Variants in LRRC36 observed in about 807,000 individuals in gnomAD.
LRRC36 encodes leucine-rich repeat-containing protein 36.
In LRRC36, 62 loss-of-function variants were observed where a neutral mutation model predicts 81.1. The observed-to-expected ratio is 0.76, with a 90% CI of 0.62 to 0.94. LRRC36 has a LOEUF of 0.94. LRRC36 is among the 40% of genes least tolerant of loss of function. The pLI is 0.00. For synonymous variants in LRRC36, 334 were observed against 348.6 expected (o/e 0.96, Z 0.47); for missense variants, 761 against 881.7 (o/e 0.86, Z 1.73).
intron 5 of LRRC36, among the ~76,000 whole-genome samples, chr16:67,362,764 G>GTTT (rs1050257700): frequency 2.9e-5 from 4 of 139,502 alleles, no homozygotes; most frequent in African/African-American, 1.3e-4. Context: ...TCTTTTTTTT[G>GTTT]TTTTTGTTGT....
Position 67,363,578 on chromosome 16 carries a change from C to T in LRRC36, c.578-12C>T, listed in dbSNP as rs1391586799. ...GTGAGTGCTTTATTGTTTGCTTTTT[C>T]TTTTAACACAGACTCAAACAAAGGA... On this transcript the variant is annotated splice_polypyrimidine_tract_variant and intron_variant, in intron 5 of 13. Transcript: ENST00000329956. The T allele has an allele frequency of 6.2e-7, 1 of 1,612,944 alleles. No homozygotes were observed. The highest frequency in any genetic ancestry group is 1.1e-5 in the South Asian group (1 of 91,016).
intron 1 of LRRC36, among the ~76,000 whole-genome samples, chr16:67,340,783 T>C (rs1015940619): frequency 8.1e-5 from 12 of 148,210 alleles, no homozygotes; most frequent in Non-Finnish European, 1.3e-4. Context: ...ATATACTCTA[T>C]AGAATATATA....
intron 12 of LRRC36, among the ~76,000 whole-genome samples, chr16:67,381,906 C>A (rs1263989829): frequency 1.3e-5 from 2 of 152,138 alleles, no homozygotes; most frequent in Non-Finnish European, 2.9e-5. Flanking sequence ...CGTGAGCCAC[C>A]GTGCCTGGCC....
At chr16:67,337,639 C>T (rs531222339) in intron 1 of LRRC36, among the ~76,000 whole-genome samples, 78 of 151,986 alleles carry the variant, frequency 5.1e-4, no homozygotes, top group African/African-American at 1.8e-3. Context: ...GGATTACAGG[C>T]GTGAGCCACC....
At chr16:67,337,596 G>A (rs1490599407) in intron 1 of LRRC36, among the ~76,000 whole-genome samples, 1 of 151,548 alleles carries the variant, frequency 6.6e-6, no homozygotes, top group South Asian at 2.1e-4. Flanking sequence ...CTGGCCTCAG[G>A]TGATCTGCCC....
At chr16:67,364,387 T>C (rs1162283411) in intron 6 of LRRC36, among the ~76,000 whole-genome samples, 2 of 152,208 alleles carry the variant, frequency 1.3e-5, no homozygotes, top group African/African-American at 4.8e-5. Flanking sequence ...TTTGATACAT[T>C]TATGAGCAAT....
chr16:67,372,837 G>T (rs2039707730), intron 9 of LRRC36, among the ~76,000 whole-genome samples: 1 of 152,162 alleles, frequency 6.6e-6, no homozygotes, highest in Non-Finnish European at 1.5e-5. Flanking sequence ...AACTTTGGAA[G>T]TGGCTGTAAT....
chr16:67,350,066 A>G (rs2038547686), intron 4 of LRRC36, 136 bp from the exon 5 acceptor site: 2 of 563,442 alleles, frequency 3.5e-6, no homozygotes, highest in Non-Finnish European at 6.0e-6. Flanking sequence ...CGGCTGAAAC[A>G]TAATTAAATT....
intron 1 of LRRC36, among the ~76,000 whole-genome samples, chr16:67,338,315 A>G (rs1304313570): frequency 6.6e-6 from 1 of 152,140 alleles, no homozygotes; most frequent in African/African-American, 2.4e-5. Context: ...TATTCTTGCA[A>G]ACCTCCTTAA....
intron 12 of LRRC36, among the ~76,000 whole-genome samples, chr16:67,378,924 G>A (rs2040012938): frequency 6.6e-6 from 1 of 152,162 alleles, no homozygotes; most frequent in South Asian, 2.1e-4. Flanking sequence ...TCTTGTCAGT[G>A]GAAAGCATGT....
chr16:67,376,946 A>G (rs1226991027), intron 11 of LRRC36, 74 bp downstream of exon 11: 1 of 1,484,118 alleles, frequency 6.7e-7, no homozygotes, highest in East Asian at 2.3e-5. Flanking sequence ...AATGATCAGC[A>G]TCACCGTGAA....
Position 67,371,201 on chromosome 16 carries a change from C to T in LRRC36, c.1453C>T (p.Leu485=). ...FKWKDNILAN[L]NLKHGFQDAT... is the part of the protein sequence containing the mutation. ...ATGGAAGGACAATATCCTTGCCAAC[C>T]TGAATCTAAAGCATGGTTTCCAAGA... Residue 485 remains leucine, a synonymous_variant, in exon 9 of 14, where the codon CTG becomes TTG. Transcript: ENST00000329956. 6.2e-7 allele frequency: 1 copy of T among 1,614,190 alleles called. No homozygotes were observed. Among genetic ancestry groups the T allele is most frequent in the South Asian group, 1.1e-5 (1 of 91,076 alleles).
intron 1 of LRRC36, 156 bp downstream of exon 1, chr16:67,327,088 A>G: frequency 1.5e-6 from 1 of 650,322 alleles, no homozygotes; most frequent in Non-Finnish European, 2.4e-6. Context: ...TTGAGGCAGA[A>G]GGTTAGAGGG....
intron 2 of LRRC36, among the ~76,000 whole-genome samples, chr16:67,344,739 T>C (rs2038262285): frequency 6.6e-6 from 1 of 152,084 alleles, no homozygotes; most frequent in Non-Finnish European, 1.5e-5. Context: ...GTTAATGGAA[T>C]TGGAGAAAAC....
At position 67,346,468 on chromosome 16, in the gene LRRC36, TTCCTG is replaced by T. The variant is rs1463299212; in HGVS notation, c.391+24_391+28del. 6.6e-7 allele frequency: 1 copy of T among 1,511,726 alleles called. No homozygotes were observed. The highest frequency in any genetic ancestry group is 1.8e-5 in the Admixed American group (1 of 55,810). 93.6% of individuals were successfully genotyped at this position (1,511,726 alleles called of 1,614,324 possible). A position where few individuals can be genotyped will look rare whatever the true frequency, so the allele number is the denominator to read the frequency against. ...AATTAGGTAAGACCTTCCTTCTCTG[TTCCTG>T]TCCACAGAATCTTACTTTAAATCAG... On this transcript the variant is annotated intron_variant, in intron 3 of 13. Coordinates refer to ENST00000329956, the MANE Select transcript of LRRC36 (RefSeq NM_018296.6).
At position 67,367,006 on chromosome 16, in the gene LRRC36, G is replaced by T. The variant is rs755486887; in HGVS notation, c.755-11G>T. On this transcript the variant is annotated splice_polypyrimidine_tract_variant and intron_variant, in intron 7 of 13. Transcript: ENST00000329956. ...TATCATGTTTTGTTTTTTTGCCTTG[G>T]TGGTGTTTAGAGTTCAGACACTACT... The T allele has an allele frequency of 6.1e-5, 96 of 1,574,884 alleles. No homozygotes were observed. Among genetic ancestry groups the T allele is most frequent in the Non-Finnish European group, 8.0e-5 (93 of 1,163,044 alleles).
At chr16:67,368,205 G>A (rs2039487423) in intron 8 of LRRC36, among the ~76,000 whole-genome samples, 1 of 152,162 alleles carries the variant, frequency 6.6e-6, no homozygotes, top group Admixed American at 6.5e-5. Context: ...AAAGTTCCAT[G>A]TATATTTTAC....
chr16:67,328,307 C>T (rs1293618459), intron 1 of LRRC36, among the ~76,000 whole-genome samples: 4 of 152,002 alleles, frequency 2.6e-5, no homozygotes, highest in Non-Finnish European at 5.9e-5. Context: ...GTCAGGAGAT[C>T]GAGACCATCC....
At chr16:67,368,738 G>A (rs1364786431) in intron 8 of LRRC36, among the ~76,000 whole-genome samples, 2 of 152,180 alleles carry the variant, frequency 1.3e-5, no homozygotes, top group Non-Finnish European at 2.9e-5. Flanking sequence ...TTTTTAAAAT[G>A]CTTTGGAGAG....
Sources: gnomAD v4.1 joint callset for allele counts (sites outside exome capture counted in the v4.1 genomes callset) on GRCh38, gnomAD v4.1.1 for gene constraint, MANE v1.5 for transcripts, NCBI Gene and HGNC (gene_info 2026-07-23, HGNC 2026-07-21) for gene names.